ASH1L: variants seen among roughly 807,000 people sequenced by gnomAD.
ASH1L encodes the protein ASH1 like histone lysine methyltransferase, also known as histone-lysine N-methyltransferase ASH1L.
ASH1L carries 23 observed loss-of-function variants against 269.0 expected under a neutral mutation model. The observed-to-expected ratio is 0.09, with a 90% CI of 0.06 to 0.12. The LOEUF is 0.12. Ranked by LOEUF, ASH1L falls within the 10% of genes least tolerant of loss-of-function variation. ASH1L has a pLI of 1.00. For missense variants in ASH1L, 2,912 were observed against 3,567.8 expected, an observed-to-expected ratio of 0.82 and a Z score of 4.68; for synonymous variants, 1,187 against 1,253.5, an observed-to-expected ratio of 0.95 and a Z score of 1.12.
chr1:155,482,168 C>T lies in ASH1L; in HGVS notation c.702G>A (p.Lys234=), dbSNP rs144002321. 1.7e-5 allele frequency: 27 copies of T among 1,614,158 alleles called. No individual in the cohort carries two copies. The highest frequency in any genetic ancestry group is 2.3e-5 in the Non-Finnish European group (27 of 1,180,024). The change falls in exon 3 of 28, where the codon AAG becomes AAA. Residue 234 remains lysine (K), a synonymous_variant. Coordinates refer to ENST00000392403, the MANE Select transcript of ASH1L (RefSeq NM_018489.3). ...IATCPPSKSS[K]TKPKKLGTGT... ...CAGTTCCTAACTTCTTCGGTTTTGT[C>T]TTGGAAGACTTGGAAGGAGGACAGG...
intron 2 of ASH1L, among the ~76,000 whole-genome samples, chr1:155,515,437 TAAACAAACTGA>T (rs1668439072): frequency 6.6e-6 from 1 of 152,184 alleles, no homozygotes; most frequent in African/African-American, 2.4e-5. Context: ...GCTACAGGAT[TAAACAAACTGA>T]TTTCTTTTTG....
intron 7 of ASH1L, among the ~76,000 whole-genome samples, chr1:155,394,688 A>C (rs1658207283): frequency 6.6e-6 from 1 of 152,180 alleles, no homozygotes; most frequent in African/African-American, 2.4e-5. Context: ...AGGGTCCTGG[A>C]AGGTACTACT....
chr1:155,357,707 C>T lies in ASH1L; in HGVS notation c.6838G>A (p.Gly2280Arg), dbSNP rs745869819. The T allele has an allele frequency of 1.2e-6, 2 of 1,613,992 alleles. No homozygotes were observed. The highest frequency in any genetic ancestry group is 1.7e-6 in the Non-Finnish European group (2 of 1,179,994). ...CGFEKCRGII[G>R]GKSQRVNGLT... ...CCATTCACACGCTGACTCTTGCCTC[C>T]GATGATTCCTCGACATTTCTCAAAG... Residue 2280 changes from glycine (G) to arginine (R), a missense_variant, in exon 14 of 28, where the codon GGA becomes AGA. Transcript: ENST00000392403.
intron 2 of ASH1L, among the ~76,000 whole-genome samples, chr1:155,510,361 C>T (rs1310588307): frequency 1.4e-5 from 2 of 147,072 alleles, no homozygotes. Context: ...TTGTAGTGAG[C>T]CGAGATCGCA....
chr1:155,384,565 A>G (rs550340154), intron 7 of ASH1L, among the ~76,000 whole-genome samples: 2 of 151,670 alleles, frequency 1.3e-5, no homozygotes, highest in Non-Finnish European at 2.9e-5. Flanking sequence ...ATGCCTGGCT[A>G]ATTTTTTTTG....
At chr1:155,409,889 G>C (rs1659624415) in intron 6 of ASH1L, among the ~76,000 whole-genome samples, 1 of 152,120 alleles carries the variant, frequency 6.6e-6, no homozygotes, top group Admixed American at 6.6e-5. Context: ...ATCTTGGCCA[G>C]GCGTGGTGGC....
chr1:155,488,060 A>T (rs2148751793), intron 2 of ASH1L, among the ~76,000 whole-genome samples: 1 of 151,192 alleles, frequency 6.6e-6, no homozygotes, highest in East Asian at 2.0e-4. Context: ...CTAATTTTTG[A>T]ATTTTTAGTA....
intron 5 of ASH1L, among the ~76,000 whole-genome samples, chr1:155,436,996 C>T (rs1041882248): frequency 3.9e-5 from 6 of 152,132 alleles, no homozygotes; most frequent in African/African-American, 1.4e-4. Context: ...ACCATGCATG[C>T]AAGGTTTTAT....
chr1:155,380,200 T>C (rs891525337), intron 7 of ASH1L, 84 bp from the exon 8 acceptor site: 2 of 917,444 alleles, frequency 2.2e-6, no homozygotes, highest in South Asian at 1.5e-5. Flanking sequence ...AGAACTAACA[T>C]GTACTGACTA....
At chr1:155,404,891 G>C (rs1458152595) in intron 6 of ASH1L, among the ~76,000 whole-genome samples, 1 of 151,744 alleles carries the variant, frequency 6.6e-6, no homozygotes, top group Non-Finnish European at 1.5e-5. Context: ...AGCTGAGTGT[G>C]GTGGTGCGTG....
intron 5 of ASH1L, chr1:155,433,609 G>C: frequency 6.2e-7 from 1 of 1,609,314 alleles, no homozygotes; most frequent in Non-Finnish European, 8.5e-7. Context: ...AAGCTCTGCA[G>C]AAAGAACTCG....
At chr1:155,406,135 C>T (rs887391614) in intron 6 of ASH1L, among the ~76,000 whole-genome samples, 2 of 143,502 alleles carry the variant, frequency 1.4e-5, no homozygotes, top group African/African-American at 5.2e-5. Context: ...ACCCAGGGGG[C>T]GAAGGTTGCA....
chr1:155,431,306 T>A (rs1250200565), intron 5 of ASH1L, among the ~76,000 whole-genome samples: 3 of 151,860 alleles, frequency 2.0e-5, no homozygotes. Context: ...ATATGTATTT[T>A]TAGAGGCAAG....
intron 2 of ASH1L, among the ~76,000 whole-genome samples, chr1:155,485,155 C>T (rs1666252037): frequency 6.6e-6 from 1 of 150,862 alleles, no homozygotes; most frequent in South Asian, 2.1e-4. Context: ...ACTCAGCAGG[C>T]TGAAGCAGGA....
Position 155,561,928 on chromosome 1 carries a change from C to T in ASH1L, c.-100+225G>A, listed in dbSNP as rs968524624. 6.6e-4 allele frequency: 307 copies of T among 466,958 alleles called. 1 individual carries two copies. Among genetic ancestry groups the T allele is most frequent in the Non-Finnish European group, 1.0e-3 (263 of 259,186 alleles). The allele number at this position is 466,958 out of a possible 1,614,324, so 28.9% of individuals were successfully genotyped here. A position where few individuals can be genotyped will look rare whatever the true frequency, so the allele number is the denominator to read the frequency against. ...GACTCCGCCTCCACTCGCTTACTTC[C>T]CAGCCCCCTCCGGGAGTCTGCCTGT... is the stretch of plus-strand genomic sequence containing the variant. On this transcript the variant is annotated intron_variant, in intron 1 of 27. Coordinates refer to ENST00000392403, the MANE Select transcript of ASH1L (RefSeq NM_018489.3).
At chr1:155,425,365 C>A (rs1661060280) in intron 5 of ASH1L, among the ~76,000 whole-genome samples, 1 of 151,028 alleles carries the variant, frequency 6.6e-6, no homozygotes, top group Non-Finnish European at 1.5e-5. Context: ...GCAGCTTCTG[C>A]CTCCTGGGTT....
At chr1:155,364,152 G>C (rs774865311) in intron 12 of ASH1L, among the ~76,000 whole-genome samples, 8 of 151,994 alleles carry the variant, frequency 5.3e-5, no homozygotes, top group Non-Finnish European at 8.8e-5. Context: ...AAAATTAGCC[G>C]GGCAGGGTGG....
At chr1:155,405,838 A>G (rs2148510958) in intron 6 of ASH1L, among the ~76,000 whole-genome samples, 1 of 151,244 alleles carries the variant, frequency 6.6e-6, no homozygotes, top group African/African-American at 2.4e-5. Flanking sequence ...TCAAAAAAAA[A>G]AAAAAAAAAG....
rs755665282 is a variant in ASH1L, at chr1:155,479,312, G to T, written c.3558C>A (p.Ser1186=). Residue 1186 remains serine (S), a synonymous_variant, in exon 3 of 28, where the codon TCC becomes TCA. Transcript: ENST00000392403. ...CATCACTATGAGACTCACTGATTGGGGAAGGAGTAGCTTCTTTTAGAGATG... is the reference window on the plus strand; with the variant it reads ...CATCACTATGAGACTCACTGATTGGTGAAGGAGTAGCTTCTTTTAGAGATG... ...ELTSLKEATP[S]PISESHSDET... is the part of the protein sequence containing the mutation. The T allele has an allele frequency of 6.2e-6, 10 of 1,614,106 alleles. No individual in the cohort carries two copies. The South Asian group carries it at 1.1e-4, about 18-fold the overall frequency.
Sources: gnomAD v4.1 joint callset for allele counts (sites outside exome capture counted in the v4.1 genomes callset) on GRCh38, gnomAD v4.1.1 for gene constraint, MANE v1.5 for transcripts, NCBI Gene and HGNC (gene_info 2026-07-23, HGNC 2026-07-21) for gene names.